HADHB: variants seen among roughly 807,000 people sequenced by gnomAD.
HADHB encodes trifunctional enzyme subunit beta, mitochondrial.
A neutral mutation model predicts 61.9 loss-of-function variants in HADHB; 50 were observed. The ratio of observed to expected loss-of-function variants is 0.81; its 90% CI spans 0.64 to 1.02. The LOEUF (loss-of-function observed/expected upper bound fraction) is 1.02, where lower values mean the gene tolerates loss of function less well. Among genes scored for constraint, HADHB ranks in the 50% least tolerant of loss-of-function variants. The probability of loss-of-function intolerance (pLI) is 0.00; values close to 1 mark genes in which losing one functional copy is unlikely to be tolerated. For missense variants in HADHB, 504 were observed against 586.5 expected (o/e 0.86, Z 1.45); for synonymous variants, 191 against 201.6 (o/e 0.95, Z 0.45).
At chr2:26,263,225 G>A (rs1347231044) in intron 3 of HADHB, among the ~76,000 whole-genome samples, 155 bp from the exon 4 acceptor site, 2 of 151,746 alleles carry the variant, frequency 1.3e-5, no homozygotes, top group African/African-American at 4.8e-5. Context: ...CTTGAATCCG[G>A]GAGGCAGAGG....
intron 10 of HADHB, among the ~76,000 whole-genome samples, chr2:26,280,522 TGAAG>T (rs1481414434): frequency 6.6e-6 from 1 of 152,088 alleles, no homozygotes; most frequent in African/African-American, 2.4e-5. Context: ...CAGCAAATCT[TGAAG>T]GAAGAGTAAA....
At chr2:26,258,742 T>G (rs1671740545) in intron 3 of HADHB, among the ~76,000 whole-genome samples, 1 of 152,212 alleles carries the variant, frequency 6.6e-6, no homozygotes, top group African/African-American at 2.4e-5. Context: ...CAAAGGGGGT[T>G]GCCCCTCCTT....
At chr2:26,255,856 A>G (rs983054841) in intron 3 of HADHB, among the ~76,000 whole-genome samples, 3 of 152,228 alleles carry the variant, frequency 2.0e-5, no homozygotes, top group Non-Finnish European at 2.9e-5. Context: ...GGTTTGTAGT[A>G]GCCCCATAAA....
At position 26,261,220 on chromosome 2, in the gene HADHB, C is replaced by CCA. The variant is rs1021569565; in HGVS notation, c.110-2159_110-2158insAC. ...ACAACAACACAACAAATACCCCCCC[C>CCA]CCATCCAGACAAACAAAAAAAGTAT... On this transcript the variant is annotated intron_variant, in intron 3 of 15. Transcript: ENST00000317799. The CCA allele has an allele frequency of 8.4e-6, 4 of 474,636 alleles. 1 individual carries two copies. The highest frequency in any genetic ancestry group is 1.5e-5 in the Non-Finnish European group (4 of 268,314). 29.4% of individuals were successfully genotyped at this position (474,636 alleles called of 1,614,324 possible). A position where few individuals can be genotyped will look rare whatever the true frequency, so the allele number is the denominator to read the frequency against.
intron 4 of HADHB, among the ~76,000 whole-genome samples, chr2:26,264,398 A>C (rs188814318): frequency 1.3e-5 from 2 of 152,092 alleles, no homozygotes; most frequent in Admixed American, 1.3e-4. Context: ...AAAATAAAAA[A>C]TATTAGCTGG....
At position 26,278,790 on chromosome 2, in the gene HADHB, C is replaced by G; in HGVS notation, c.619C>G (p.Leu207Val). The G allele has an allele frequency of 6.2e-7, 1 of 1,613,986 alleles. No individual in the cohort carries two copies. The highest frequency in any genetic ancestry group is 1.3e-5 in the African/African-American group (1 of 75,032). ...AATCTCTAAATTCCGATTTAATTTC[C>G]TAGCACCTGAGGTAAGGCTTGTGTT... ...SLISKFRFNFLAPELPAVSEF... is the reference protein window; with the variant it reads ...SLISKFRFNFVAPELPAVSEF... The change falls in exon 8 of 16, where the codon CTA (leucine) becomes GTA (valine). Residue 207 changes from leucine (L) to valine (V), a missense_variant. Physicochemically the swap from Leu to Val is conservative, Grantham distance 32. Transcript: ENST00000317799.
chr2:26,273,264 T>A (rs1672418499), intron 5 of HADHB, among the ~76,000 whole-genome samples: 1 of 149,492 alleles, frequency 6.7e-6, no homozygotes, highest in African/African-American at 2.6e-5. Flanking sequence ...TTTTTTTTAA[T>A]TTTTTTTAAT....
At chr2:26,282,670 G>A (rs1307243668) in intron 10 of HADHB, among the ~76,000 whole-genome samples, 175 bp from the exon 11 acceptor site, 3 of 152,162 alleles carry the variant, frequency 2.0e-5, no homozygotes, top group South Asian at 2.1e-4. Flanking sequence ...ATGAGTCAGC[G>A]TGTGTATGTT....
rs1014554092 is a variant in HADHB, at chr2:26,263,384, C to T, written c.114C>T (p.Val38=). The change falls in exon 4 of 16, where the codon GTC becomes GTT. Residue 38 remains valine (V), a synonymous_variant. Transcript: ENST00000317799. ...TTTTTAAACTTTATCTTAAAGCTGT[C>T]CAGACCAAAACGAAGAAGACGTTAG... The part of the protein sequence containing the change: ...CSSQLRAAPA[V]QTKTKKTLAK... 6.3e-7 allele frequency: 1 copy of T among 1,597,378 alleles called. No individual in the cohort carries two copies. The highest frequency in any genetic ancestry group is 8.6e-7 in the Non-Finnish European group (1 of 1,165,248).
chr2:26,280,183 A>G (rs1011781599), intron 10 of HADHB, 68 bp downstream of exon 10: 1 of 1,291,414 alleles, frequency 7.7e-7, no homozygotes, highest in Admixed American at 1.7e-5. Context: ...AGAAAAGCCT[A>G]ATATAACTTT....
At chr2:26,284,853 A>G in intron 13 of HADHB, 30 bp from the exon 14 acceptor site, 2 of 1,075,882 alleles carry the variant, frequency 1.9e-6, no homozygotes, top group Non-Finnish European at 2.9e-6. Context: ...ATGAATAACG[A>G]GGTTCTTATT....
rs1000127079 is a variant in HADHB at position 26,290,350 on chromosome 2, G to A, written c.*397G>A. The A allele has an allele frequency of 8.6e-5, 17 of 198,480 alleles. No homozygotes were observed. Among genetic ancestry groups the A allele is most frequent in the African/African-American group, 3.1e-4 (13 of 42,500 alleles). 12.3% of individuals were successfully genotyped at this position (198,480 alleles called of 1,614,324 possible). ...TGTTCTCTATAAAATACAAACCAAC[G>A]TGCCTAATTAATTATGGAAAAATAA... On this transcript the variant is annotated 3_prime_UTR_variant, in exon 16 of 16. Coordinates refer to ENST00000317799, the MANE Select transcript of HADHB (RefSeq NM_000183.3).
intron 1 of HADHB, among the ~76,000 whole-genome samples, chr2:26,252,350 A>G (rs1028421296): frequency 6.6e-6 from 1 of 152,184 alleles, no homozygotes; most frequent in Non-Finnish European, 1.5e-5. Context: ...TTGTTGGTAA[A>G]TCTTGTGGGA....
Position 26,254,480 on chromosome 2 carries a change from G to A in HADHB, c.109+6G>A, listed in dbSNP as rs1159010833. On this transcript the variant is annotated splice_donor_region_variant and intron_variant, in intron 3 of 15. Coordinates refer to ENST00000317799, the MANE Select transcript of HADHB (RefSeq NM_000183.3). ...CCAGCTACGAGCTGCCCCAGGTACAGTAATTTGTAAAATAAATATTTCTGA... is the reference window on the plus strand; with the variant it reads ...CCAGCTACGAGCTGCCCCAGGTACAATAATTTGTAAAATAAATATTTCTGA... 1 of 1,540,590 alleles carries A rather than the reference G, an allele frequency of 6.5e-7. No homozygotes were observed. The highest frequency in any genetic ancestry group is 1.7e-5 in the Admixed American group (1 of 59,908).
intron 9 of HADHB, 85 bp from the exon 10 acceptor site, chr2:26,279,909 T>C: frequency 5.9e-6 from 6 of 1,015,180 alleles, no homozygotes; most frequent in South Asian, 1.3e-5. Flanking sequence ...TCATTTGTTT[T>C]TGTAATTTTT....
chr2:26,261,109 T>G (rs1437841790), intron 3 of HADHB: 4 of 953,470 alleles, frequency 4.2e-6, no homozygotes, highest in Non-Finnish European at 6.5e-6. Flanking sequence ...TTATATTGAC[T>G]TAGGGATGTG....
intron 1 of HADHB, among the ~76,000 whole-genome samples, chr2:26,248,377 G>C (rs570939286): frequency 1.1e-4 from 17 of 151,838 alleles, no homozygotes; most frequent in Non-Finnish European, 1.9e-4. Context: ...TGAACACCTT[G>C]AGTATTTCTT....
At chr2:26,269,815 A>G in intron 4 of HADHB, 138 bp from the exon 5 acceptor site, 1 of 712,488 alleles carries the variant, frequency 1.4e-6, no homozygotes, top group South Asian at 1.5e-5. Flanking sequence ...ATTTGAAATG[A>G]TGGACTGCCT....
At chr2:26,274,472 A>G (rs962037543) in intron 6 of HADHB, among the ~76,000 whole-genome samples, 6 of 152,204 alleles carry the variant, frequency 3.9e-5, no homozygotes, top group African/African-American at 1.2e-4. Flanking sequence ...ATCACTGTCA[A>G]CTGAGAGACA....
Sources: gnomAD v4.1 joint callset for allele counts (sites outside exome capture counted in the v4.1 genomes callset) on GRCh38, gnomAD v4.1.1 for gene constraint, MANE v1.5 for transcripts, NCBI Gene and HGNC (gene_info 2026-07-23, HGNC 2026-07-21) for gene names.